Variants in NR3C2 observed in about 807,000 individuals in gnomAD.
NR3C2 encodes the protein nuclear receptor subfamily 3 group C member 2.
Under a neutral mutation model 86.4 loss-of-function variants are expected in NR3C2, and 15 were observed. The observed-to-expected ratio is 0.17, with a 90% CI of 0.12 to 0.27. The LOEUF (loss-of-function observed/expected upper bound fraction) is 0.27. Ranked by LOEUF, NR3C2 falls within the 10% of genes least tolerant of loss-of-function variation. The pLI, the probability that NR3C2 is intolerant of heterozygous loss-of-function variation, is 1.00. For synonymous variants in NR3C2, 458 were observed against 450.5 expected (o/e 1.02, Z -0.21); for missense variants, 960 against 1,195.6 (o/e 0.80, Z 2.91).
At chr4:148,242,279 C>A (rs1198637540) in intron 3 of NR3C2, among the ~76,000 whole-genome samples, 1 of 152,106 alleles carries the variant, frequency 6.6e-6, no homozygotes, top group South Asian at 2.1e-4. Flanking sequence ...AAGGAGATGG[C>A]GGCATCTGTT....
intron 8 of NR3C2, among the ~76,000 whole-genome samples, chr4:148,102,311 G>A (rs1216488434): frequency 1.1e-4 from 16 of 152,126 alleles, no homozygotes; most frequent in Admixed American, 7.9e-4. Context: ...ACATGCTGCC[G>A]CCTCCCACAT....
chr4:148,278,577 GCACACA>G (rs1022812443), intron 2 of NR3C2, among the ~76,000 whole-genome samples: 5 of 151,664 alleles, frequency 3.3e-5, no homozygotes, highest in Admixed American at 1.3e-4. Context: ...GCGTGCGCGC[GCACACA>G]CACACCCACA....
At chr4:148,098,826 T>G (rs1731411490) in intron 8 of NR3C2, among the ~76,000 whole-genome samples, 2 of 152,220 alleles carry the variant, frequency 1.3e-5, no homozygotes, top group Non-Finnish European at 2.9e-5. Flanking sequence ...TATCAATCAT[T>G]TAAAACTATC....
intron 2 of NR3C2, among the ~76,000 whole-genome samples, chr4:148,366,370 A>T (rs985717820): frequency 1.4e-4 from 3 of 21,222 alleles, no homozygotes; most frequent in Admixed American, 4.7e-4. Flanking sequence ...TCTACCAAGC[A>T]TACCAAGGTA....
intron 6 of NR3C2, among the ~76,000 whole-genome samples, chr4:148,125,041 A>G (rs1437328878): frequency 6.6e-6 from 1 of 152,208 alleles, no homozygotes; most frequent in Admixed American, 6.5e-5. Context: ...TAATATGCAT[A>G]TCTAACATGT....
intron 7 of NR3C2, among the ~76,000 whole-genome samples, chr4:148,118,171 T>TCC (rs1560930581): frequency 6.6e-6 from 1 of 152,196 alleles, no homozygotes; most frequent in Admixed American, 6.5e-5. Context: ...GCTAATCCTG[T>TCC]CCTCTGTTGT....
In NR3C2 at chr4:148,363,504, C is replaced by CTTTTTTTTTTTTTTTTTTTTTTTTTT. The variant is rs1375693723; in HGVS notation, c.1757+71599_1757+71600insAAAAAAAAAAAAAAAAAAAAAAAAAA. Among the ~76,000 whole-genome samples, 172 of 69,598 alleles carry CTTTTTTTTTTTTTTTTTTTTTTTTTT rather than the reference C, an allele frequency of 2.5e-3. 50 individuals are homozygous for CTTTTTTTTTTTTTTTTTTTTTTTTTT. Among genetic ancestry groups the CTTTTTTTTTTTTTTTTTTTTTTTTTT allele is most frequent in the Middle Eastern group, 9.3e-3 (1 of 108 alleles). 45.7% of individuals were successfully genotyped at this position (69,598 alleles called of 152,430 possible). A position where few individuals can be genotyped will look rare whatever the true frequency, so the allele number is the denominator to read the frequency against. ...ATTAAAGTCTAGACTTCTCATAGAT[C>CTTTTTTTTTTTTTTTTTTTTTTTTTT]TCTTTTTTTTTTTTTTTGAGACGGA... On this transcript the variant is annotated intron_variant, in intron 2 of 8. Transcript: ENST00000358102.
chr4:148,319,086 T>C (rs1411082166), intron 2 of NR3C2, among the ~76,000 whole-genome samples: 5 of 151,846 alleles, frequency 3.3e-5, no homozygotes, highest in South Asian at 2.1e-4. Flanking sequence ...GTTTCAGCTT[T>C]CTACATATGG....
intron 2 of NR3C2, among the ~76,000 whole-genome samples, chr4:148,398,029 C>G (rs1396233857): frequency 6.6e-6 from 1 of 152,184 alleles, no homozygotes; most frequent in Non-Finnish European, 1.5e-5. Flanking sequence ...GGCTTAACTT[C>G]AGTCTCTGCC....
chr4:148,188,950 T>C (rs577709918), intron 4 of NR3C2, among the ~76,000 whole-genome samples: 2 of 143,934 alleles, frequency 1.4e-5, no homozygotes, highest in African/African-American at 5.2e-5. Flanking sequence ...TTTTTTGAGA[T>C]GGAATCTCAC....
intron 3 of NR3C2, among the ~76,000 whole-genome samples, chr4:148,258,686 G>A (rs1739945151): frequency 6.6e-6 from 1 of 152,228 alleles, no homozygotes; most frequent in Non-Finnish European, 1.5e-5. Flanking sequence ...AGCACCATGA[G>A]AGAACGTGCA....
intron 8 of NR3C2, among the ~76,000 whole-genome samples, chr4:148,082,798 C>T (rs1308048564): frequency 6.6e-6 from 1 of 152,024 alleles, no homozygotes; most frequent in Non-Finnish European, 1.5e-5. Context: ...ACCACGGAGC[C>T]TAGCAAGCTA....
chr4:148,183,642 C>T (rs1312929557), intron 4 of NR3C2, among the ~76,000 whole-genome samples: 1 of 152,134 alleles, frequency 6.6e-6, no homozygotes, highest in Non-Finnish European at 1.5e-5. Context: ...GAGTATGTAT[C>T]TCATAGTGTT....
chr4:148,096,872 C>T (rs1203126227), intron 8 of NR3C2, among the ~76,000 whole-genome samples: 3 of 152,172 alleles, frequency 2.0e-5, no homozygotes, highest in Middle Eastern at 3.2e-3. Flanking sequence ...CTAGTTACTA[C>T]GTGGCGCACT....
chr4:148,298,178 A>G (rs956324955), intron 2 of NR3C2, among the ~76,000 whole-genome samples: 1 of 152,248 alleles, frequency 6.6e-6, no homozygotes, highest in African/African-American at 2.4e-5. Flanking sequence ...TAGACAATAA[A>G]AGACATATAA....
chr4:148,293,771 G>T (rs1412455440), intron 2 of NR3C2, among the ~76,000 whole-genome samples: 1 of 152,180 alleles, frequency 6.6e-6, no homozygotes, highest in Non-Finnish European at 1.5e-5. Context: ...GAAGAGGTCA[G>T]TTTGGTAAGC....
intron 1 of NR3C2, among the ~76,000 whole-genome samples, chr4:148,437,844 C>T (rs1750152463): frequency 6.6e-6 from 1 of 152,202 alleles, no homozygotes; most frequent in South Asian, 2.1e-4. Flanking sequence ...CAATCCCCAT[C>T]CTCAAGCAAC....
chr4:148,151,001 G>A (rs1182907541), intron 6 of NR3C2, among the ~76,000 whole-genome samples: 1 of 152,174 alleles, frequency 6.6e-6, no homozygotes, highest in African/African-American at 2.4e-5. Flanking sequence ...GCTTAGGGGA[G>A]GGGATAAAGG....
At chr4:148,134,639 C>CTTTTT (rs1560938861) in intron 6 of NR3C2, among the ~76,000 whole-genome samples, 3 of 58,046 alleles carry the variant, frequency 5.2e-5, no homozygotes, top group African/African-American at 1.9e-4. Flanking sequence ...CTCTCTCTCT[C>CTTTTT]TCTCTTTTTT....
Sources: gnomAD v4.1 joint callset for allele counts (sites outside exome capture counted in the v4.1 genomes callset) on GRCh38, gnomAD v4.1.1 for gene constraint, MANE v1.5 for transcripts, NCBI Gene and HGNC (gene_info 2026-07-23, HGNC 2026-07-21) for gene names.